ZNF567: variants seen among roughly 807,000 people sequenced by gnomAD.
ZNF567 encodes the protein zinc finger protein 567.
ZNF567 carries 36 observed loss-of-function variants against 53.9 expected under a neutral mutation model. The ratio of observed to expected loss-of-function variants is 0.67; its 90% confidence interval spans 0.51 to 0.88. ZNF567 has a LOEUF of 0.88. ZNF567 is among the 40% of genes least tolerant of loss of function. The pLI, the probability that ZNF567 is intolerant of heterozygous loss-of-function variation, is 0.00. For missense variants in ZNF567, 619 were observed against 764.7 expected (o/e 0.81, Z 2.25); for synonymous variants, 224 against 260.4 (o/e 0.86, Z 1.35).
downstream of ZNF567, among the ~76,000 whole-genome samples, chr19:36,726,716 A>C (rs549306863): frequency 6.6e-6 from 1 of 152,352 alleles, no homozygotes; most frequent in Admixed American, 6.5e-5. Flanking sequence ...CTGGCCCAGC[A>C]GGTAGTTTAA....
chr19:36,726,702 G>A (rs1026759443), downstream of ZNF567, among the ~76,000 whole-genome samples: 12 of 152,308 alleles, frequency 7.9e-5, no homozygotes, highest in African/African-American at 1.9e-4. Context: ...TGCCTACTCC[G>A]ACACTGGCCC....
chr19:36,725,353 C>T (rs988137216), downstream of ZNF567, among the ~76,000 whole-genome samples: 4 of 152,070 alleles, frequency 2.6e-5, no homozygotes, highest in Non-Finnish European at 5.9e-5. Flanking sequence ...CAGGTGCATG[C>T]CACCACACCC....
chr19:36,674,598 GCAAGTC>G, the ZNF567 span, among the ~76,000 whole-genome samples: 1 of 152,262 alleles, frequency 6.6e-6, no homozygotes, highest in East Asian at 1.9e-4. Context: ...AAACAAAGCA[GCAAGTC>G]CAAGGTAAGG....
downstream of ZNF567, chr19:36,727,460 A>C (rs1242199959): frequency 6.6e-6 from 1 of 151,560 alleles, no homozygotes; most frequent in Non-Finnish European, 1.5e-5. Flanking sequence ...ACTCACTGCA[A>C]GCTCCACCTC....
At chr19:36,669,691 G>A in the ZNF567 span, among the ~76,000 whole-genome samples, 5 of 152,138 alleles carry the variant, frequency 3.3e-5, no homozygotes, top group African/African-American at 1.2e-4. Context: ...GTCCCTTTTG[G>A]AAGACTGGGA....
At chr19:36,682,499 A>G in the ZNF567 span, among the ~76,000 whole-genome samples, 1 of 151,420 alleles carries the variant, frequency 6.6e-6, no homozygotes, top group South Asian at 2.1e-4. Context: ...ACTTTGAGGT[A>G]TAATGATTGG....
At chr19:36,718,730 T>C (rs1753596644) in intron 5 of ZNF567, among the ~76,000 whole-genome samples, 1 of 152,288 alleles carries the variant, frequency 6.6e-6, no homozygotes, top group South Asian at 2.1e-4. Context: ...GAAGTTTTAG[T>C]GCAAAATGCA....
At chr19:36,687,992 CT>C (rs1272454191) in intron 1 of ZNF567, among the ~76,000 whole-genome samples, 2 of 152,000 alleles carry the variant, frequency 1.3e-5, no homozygotes, top group Non-Finnish European at 2.9e-5. Context: ...CGTACCTGTC[CT>C]GTGTGTTGTG....
intron 3 of ZNF567, among the ~76,000 whole-genome samples, chr19:36,696,347 T>C (rs987547056): frequency 6.6e-6 from 1 of 152,230 alleles, no homozygotes; most frequent in Non-Finnish European, 1.5e-5. Flanking sequence ...ACCACTATTA[T>C]TCTAATGCTG....
chr19:36,673,467 G>A, the ZNF567 span, among the ~76,000 whole-genome samples: 1 of 152,282 alleles, frequency 6.6e-6, no homozygotes, highest in African/African-American at 2.4e-5. Flanking sequence ...CACAATGGAT[G>A]AGCCTCATTC....
At chr19:36,711,486 C>A (rs939538490) in intron 3 of ZNF567, 1 of 152,178 alleles carries the variant, frequency 6.6e-6, no homozygotes, top group Non-Finnish European at 1.5e-5. Context: ...AAGCTCTTTT[C>A]CAGTTTCCGC....
chr19:36,717,976 A>G (rs188793080), intron 5 of ZNF567, among the ~76,000 whole-genome samples: 12 of 152,372 alleles, frequency 7.9e-5, no homozygotes, highest in Middle Eastern at 3.4e-3. Flanking sequence ...TGAATATAGC[A>G]ATTGAATATA....
chr19:36,685,245 G>A (rs1398126152), upstream of ZNF567, among the ~76,000 whole-genome samples: 3 of 152,110 alleles, frequency 2.0e-5, no homozygotes, highest in Admixed American at 1.3e-4. Context: ...TCGAGATCAC[G>A]CCACTGCACT....
chr19:36,671,438 G>A, the ZNF567 span, among the ~76,000 whole-genome samples: 3 of 152,338 alleles, frequency 2.0e-5, no homozygotes, highest in Middle Eastern at 3.4e-3. Context: ...TCACTTGGAT[G>A]TGTTATTCTG....
intron 3 of ZNF567, among the ~76,000 whole-genome samples, chr19:36,699,528 A>G (rs2039065522): frequency 1.3e-5 from 2 of 152,212 alleles, no homozygotes; most frequent in East Asian, 3.9e-4. Flanking sequence ...GGCCATTTTC[A>G]CGATATTGAT....
chr19:36,694,791 T>C lies in ZNF567; in HGVS notation c.-66-11T>C. 7.0e-7 allele frequency: 1 copy of C among 1,429,742 alleles called. No homozygotes were observed. The highest frequency in any genetic ancestry group is 9.3e-7 in the Non-Finnish European group (1 of 1,078,222). 88.6% of individuals were successfully genotyped at this position (1,429,742 alleles called of 1,614,324 possible). A position where few individuals can be genotyped will look rare whatever the true frequency, so the allele number is the denominator to read the frequency against. On this transcript the variant is annotated splice_polypyrimidine_tract_variant and intron_variant, in intron 2 of 5. Coordinates refer to ENST00000682579, the MANE Select transcript of ZNF567 (RefSeq NM_001322917.1). ...CATGTGGCTTTTTTTGTCTCGGCTT[T>C]GCCTCCTTAGGAACTGCCTCTTTTC...
chr19:36,683,082 G>GT (rs1204021007), upstream of ZNF567, among the ~76,000 whole-genome samples: 1 of 150,798 alleles, frequency 6.6e-6, no homozygotes, highest in Non-Finnish European at 1.5e-5. Context: ...TTTTGTTTTT[G>GT]TTTTTTTGAG....
At chr19:36,693,866 T>C (rs554769311) in intron 2 of ZNF567, among the ~76,000 whole-genome samples, 97 of 152,328 alleles carry the variant, frequency 6.4e-4, no homozygotes, top group African/African-American at 2.3e-3. Context: ...AAAATTGTAT[T>C]TTTACATAGA....
chr19:36,680,892 G>A, the ZNF567 span, among the ~76,000 whole-genome samples: 1 of 151,858 alleles, frequency 6.6e-6, no homozygotes, highest in Non-Finnish European at 1.5e-5. Context: ...CTGGATTTAG[G>A]ACCCAACCCA....
Sources: allele counts gnomAD v4.1 joint callset (sites outside exome capture counted in the v4.1 genomes callset), GRCh38; gene constraint gnomAD v4.1.1; transcripts MANE v1.5; gene names NCBI Gene and HGNC (gene_info 2026-07-23, HGNC 2026-07-21).